Variants in DLG5 observed in about 807,000 individuals in gnomAD.
The protein encoded by DLG5 is discs large MAGUK scaffold protein 5.
DLG5 carries 48 observed loss-of-function variants against 189.8 expected under a neutral mutation model. The observed-to-expected ratio is 0.25, with a 90% confidence interval of 0.20 to 0.32. The LOEUF is 0.32. Among genes scored for constraint, DLG5 ranks in the 10% least tolerant of loss-of-function variants. DLG5 has a pLI of 1.00. For missense variants in DLG5, 2,160 were observed against 2,544.7 expected, an observed-to-expected ratio of 0.85 and a Z score of 3.25; for synonymous variants, 1,016 against 1,054.1, an observed-to-expected ratio of 0.96 and a Z score of 0.70.
intron 13 of DLG5, 22 bp downstream of exon 13, chr10:77,828,860 T>C: frequency 1.3e-6 from 2 of 1,596,454 alleles, no homozygotes; most frequent in African/African-American, 2.7e-5. Flanking sequence ...CAGATGACCC[T>C]GGCTCCAGCC....
rs896043823 is a variant in DLG5, at chr10:77,793,993, C to A, written c.5656+15G>T. On this transcript the variant is annotated intron_variant, in intron 31 of 31. Transcript: ENST00000372391. ...CCTGCTGCCTGCTCCCCACTCCAGG[C>A]CCACGCACACCTACCTGTGAAGTAC... The A allele has an allele frequency of 2.5e-6, 4 of 1,609,332 alleles. No homozygotes were observed. The highest frequency in any genetic ancestry group is 4.5e-5 in the East Asian group (2 of 44,882).
At position 77,822,124 on chromosome 10, in the gene DLG5, TGAGA is replaced by T. The variant is rs754210749; in HGVS notation, c.2383-27_2383-24del. On this transcript the variant is annotated intron_variant, in intron 14 of 31. Coordinates refer to ENST00000372391, the MANE Select transcript of DLG5 (RefSeq NM_004747.4). ...TACCTAGGCAGGGATTGCAGAGGAG[TGAGA>T]GAGAGAGTGAGATGGCAGGACTTGG... 9.4e-6 allele frequency: 15 copies of T among 1,590,006 alleles called. No individual in the cohort carries two copies. The African/African-American group carries it at 1.1e-4, about 11-fold the overall frequency.
chr10:77,808,015 A>C, intron 24 of DLG5, 71 bp from the exon 25 acceptor site: 1 of 1,571,540 alleles, frequency 6.4e-7, no homozygotes, highest in Non-Finnish European at 8.7e-7. Context: ...GAGAGGGGCC[A>C]GTGCTGACCA....
intron 1 of DLG5, among the ~76,000 whole-genome samples, chr10:77,892,031 T>G (rs1214496000): frequency 1.3e-5 from 2 of 152,168 alleles, no homozygotes; most frequent in East Asian, 3.8e-4. Flanking sequence ...CCTCATCATC[T>G]GCATTTATGG....
chr10:77,938,213 G>A, the DLG5 span, among the ~76,000 whole-genome samples: 4 of 151,896 alleles, frequency 2.6e-5, no homozygotes, highest in Admixed American at 6.6e-5. Flanking sequence ...GGGGGCCAAG[G>A]AAGGATGATC....
intron 9 of DLG5, among the ~76,000 whole-genome samples, chr10:77,832,997 G>A (rs550372545): frequency 2.0e-4 from 31 of 152,054 alleles, no homozygotes; most frequent in Non-Finnish European, 3.7e-4. Flanking sequence ...CCCTTCTGAC[G>A]GGCAGCACTT....
chr10:77,820,349 G>GT (rs200266020), intron 15 of DLG5: 5 of 133,976 alleles, frequency 3.7e-5, no homozygotes, highest in African/African-American at 4.7e-5. Context: ...CCATCTTAGG[G>GT]GAAAAAAAAA....
At chr10:77,860,816 T>G (rs1265110715) in intron 2 of DLG5, among the ~76,000 whole-genome samples, 1 of 152,212 alleles carries the variant, frequency 6.6e-6, no homozygotes, top group Admixed American at 6.5e-5. Context: ...CATTTTTGGA[T>G]CTTAGGACCT....
rs1165958999 is a variant in DLG5, at chr10:77,821,328, G to C, written c.3156C>G (p.Pro1052=). The part of the protein sequence containing the change: ...SPSTSPPSAL[P]PDVDPGEPMH... ...TGGGCTCCCCGGGGTCCACGTCAGG[G>C]GGCAGGGCGCTCGGGGGACTAGTGG... The change falls in exon 15 of 32, where the codon CCC becomes CCG. Residue 1052 remains proline (P), a synonymous_variant. Coordinates refer to ENST00000372391, the MANE Select transcript of DLG5 (RefSeq NM_004747.4). The C allele has an allele frequency of 1.2e-6, 2 of 1,613,280 alleles. No homozygotes were observed. Among genetic ancestry groups the C allele is most frequent in the Non-Finnish European group, 1.7e-6 (2 of 1,180,028 alleles).
intron 22 of DLG5, among the ~76,000 whole-genome samples, 197 bp downstream of exon 22, chr10:77,811,727 C>A (rs1841782180): frequency 6.6e-6 from 1 of 152,206 alleles, no homozygotes; most frequent in African/African-American, 2.4e-5. Context: ...TCTGTTTCCA[C>A]ACCCCATTTC....
chr10:77,812,017 G>A lies in DLG5; in HGVS notation c.4229C>T (p.Ala1410Val), dbSNP rs1351713941. The change falls in exon 22 of 32, where the codon GCG becomes GTG. Residue 1410 changes from alanine to valine, a missense_variant. Physicochemically the swap from Ala to Val is moderately conservative, Grantham distance 64. Around this residue, in one of 5 missense-constraint regions of DLG5, gnomAD observed 61 missense variants for 101.0 expected, o/e 0.60. Transcript: ENST00000372391. ...ACACTGCTGCCCGATGATGAGCCGC[G>A]CCTGCTGCTCCGTGGCGCTCCGCAG... ...INLRSATEQQ[A>V]RLIIGQQCDT... 6.2e-7 allele frequency: 1 copy of A among 1,611,226 alleles called. No individual in the cohort carries two copies. Among genetic ancestry groups the A allele is most frequent in the Non-Finnish European group, 8.5e-7 (1 of 1,180,022 alleles).
At chr10:77,820,166 C>T (rs1160076170) in intron 15 of DLG5, 148 bp from the exon 16 acceptor site, 6 of 1,071,086 alleles carry the variant, frequency 5.6e-6, no homozygotes, top group East Asian at 2.9e-5. Flanking sequence ...GCCAACATGG[C>T]GAAATCCCGT....
At chr10:77,873,249 G>A (rs1378834965) in intron 1 of DLG5, among the ~76,000 whole-genome samples, 1 of 152,134 alleles carries the variant, frequency 6.6e-6, no homozygotes, top group Non-Finnish European at 1.5e-5. Context: ...CCTGGGCAAC[G>A]TAAACTCTTA....
chr10:77,848,594 A>G (rs1354868414), intron 5 of DLG5, among the ~76,000 whole-genome samples: 1 of 152,082 alleles, frequency 6.6e-6, no homozygotes, highest in Non-Finnish European at 1.5e-5. Flanking sequence ...GTTGACCACC[A>G]AGACGCTCCA....
intron 7 of DLG5, among the ~76,000 whole-genome samples, chr10:77,841,259 T>A (rs576249557): frequency 6.6e-6 from 1 of 152,256 alleles, no homozygotes; most frequent in East Asian, 1.9e-4. Flanking sequence ...AAAATCCACA[T>A]TGGCCACCCA....
At chr10:77,901,114 CAAAA>C (rs34724408) in intron 1 of DLG5, among the ~76,000 whole-genome samples, 1 of 52,690 alleles carries the variant, frequency 1.9e-5, no homozygotes, top group Admixed American at 2.1e-4. Context: ...AACTCCATCT[CAAAA>C]AAAAAAAAAA....
intron 26 of DLG5, 152 bp from the exon 27 acceptor site, chr10:77,806,013 C>T (rs1841452903): frequency 1.3e-5 from 9 of 692,762 alleles, no homozygotes; most frequent in Non-Finnish European, 2.1e-5. Flanking sequence ...CCTCCCACGC[C>T]CCTGGGAACC....
intron 1 of DLG5, among the ~76,000 whole-genome samples, chr10:77,878,870 T>A (rs1302216977): frequency 6.6e-6 from 1 of 152,156 alleles, no homozygotes; most frequent in Non-Finnish European, 1.5e-5. Flanking sequence ...ACCACCTACA[T>A]ACAGACATCA....
Position 77,811,155 on chromosome 10 carries a change from C to T in DLG5, c.4402G>A (p.Asp1468Asn), listed in dbSNP as rs148449267. The T allele has an allele frequency of 4.0e-5, 65 of 1,612,934 alleles. 2 individuals carry two copies. The South Asian group carries it at 5.3e-4, about 13-fold the overall frequency. ...TTTPEHPSVI[D>N]PLMEQDEGPS... ...CCCTCGTCCTGCTCCATCAGTGGGT[C>T]GATGACAGATGGATGCTCCGGGGTG... The change falls in exon 23 of 32, where the codon GAC becomes AAC. Residue 1468 changes from aspartate to asparagine, a missense_variant. Around this residue, in one of 5 missense-constraint regions of DLG5, gnomAD observed 574 missense variants for 644.2 expected, o/e 0.89. Transcript: ENST00000372391.
Sources: allele counts gnomAD v4.1 joint callset (sites outside exome capture counted in the v4.1 genomes callset), GRCh38; gene constraint gnomAD v4.1.1; regional missense constraint gnomAD v4.1.1; transcripts MANE v1.5; gene names NCBI Gene and HGNC (gene_info 2026-07-23, HGNC 2026-07-21).